The following COL21A1 variants were observed in gnomAD, a reference collection of about 807,000 sequenced individuals.
The protein encoded by COL21A1 is collagen alpha-1(XXI) chain.
A neutral mutation model predicts 137.9 loss-of-function variants in COL21A1; 149 were observed. The ratio of observed to expected loss-of-function variants is 1.08; its 90% CI spans 0.95 to 1.24. The LOEUF is 1.24. Ranked by LOEUF, COL21A1 falls within the 50% of genes most tolerant of loss-of-function variation. The pLI is 0.00. For synonymous variants in COL21A1, 456 were observed against 391.5 expected, an observed-to-expected ratio of 1.16 and a Z score of -1.95; for missense variants, 1,167 against 1,158.4, an observed-to-expected ratio of 1.01 and a Z score of -0.11.
In COL21A1 at chr6:56,070,759, C is replaced by A. The variant is rs765881497; in HGVS notation, c.2005G>T (p.Ala669Ser). The A allele has an allele frequency of 2.5e-6, 4 of 1,588,902 alleles. No individual in the cohort carries two copies. The South Asian group carries it at 3.5e-5, about 14-fold the overall frequency. Residue 669 changes from alanine (A) to serine (S), a missense_variant, in exon 21 of 30, where the codon GCT becomes TCT. Coordinates refer to ENST00000244728, the MANE Select transcript of COL21A1 (RefSeq NM_030820.4). Reference sequence around the variant, plus strand: ...ATCAAAATTACCTTGAGCCCAGAAGCCCCAGGCATCCCTTGAATTCCAGGT... The same window carrying A: ...ATCAAAATTACCTTGAGCCCAGAAGACCCAGGCATCCCTTGAATTCCAGGT... ...GEPGIQGMPGASGLKGEPGAT... is the reference protein window; with the variant it reads ...GEPGIQGMPGSSGLKGEPGAT...
At chr6:56,271,014 T>C (rs1364215896) in intron 1 of COL21A1, among the ~76,000 whole-genome samples, 3 of 152,204 alleles carry the variant, frequency 2.0e-5, no homozygotes, top group African/African-American at 7.2e-5. Flanking sequence ...GGCACTGCTA[T>C]AAAGATAACC....
intron 1 of COL21A1, among the ~76,000 whole-genome samples, chr6:56,268,489 C>T (rs1413320862): frequency 1.6e-4 from 25 of 152,136 alleles, no homozygotes; most frequent in Admixed American, 1.6e-3. Flanking sequence ...TCTCAATGAC[C>T]ACCTAATGAA....
At chr6:56,139,350 G>A (rs1407325465) in intron 12 of COL21A1, among the ~76,000 whole-genome samples, 1 of 152,086 alleles carries the variant, frequency 6.6e-6, no homozygotes, top group African/African-American at 2.4e-5. Flanking sequence ...CTTTCCAGAT[G>A]ATAAAAACCA....
chr6:56,389,964 T>C (rs1052512211), intron 1 of COL21A1, among the ~76,000 whole-genome samples: 5 of 152,152 alleles, frequency 3.3e-5, no homozygotes, highest in African/African-American at 1.2e-4. Context: ...AGGACATTGA[T>C]AAACAACAAT....
At chr6:56,322,543 T>C (rs566633095) in intron 1 of COL21A1, among the ~76,000 whole-genome samples, 7 of 152,264 alleles carry the variant, frequency 4.6e-5, no homozygotes, top group African/African-American at 1.7e-4. Context: ...TTGATTGTAA[T>C]GGCTCCTATT....
At chr6:56,213,364 G>A (rs1780296798) in intron 1 of COL21A1, among the ~76,000 whole-genome samples, 1 of 151,936 alleles carries the variant, frequency 6.6e-6, no homozygotes, top group African/African-American at 2.4e-5. Flanking sequence ...ACTCCTCAGA[G>A]CCAATAATAC....
intron 1 of COL21A1, among the ~76,000 whole-genome samples, chr6:56,326,784 T>C (rs12529753): frequency 0.13 from 19,178 of 152,038 alleles, 2,646 homozygotes; most frequent in East Asian, 0.55. Flanking sequence ...GCTCATCTGT[T>C]CAGTTAAAAA....
At chr6:56,293,080 A>T (rs560823761) in intron 1 of COL21A1, among the ~76,000 whole-genome samples, 1 of 152,348 alleles carries the variant, frequency 6.6e-6, no homozygotes, top group African/African-American at 2.4e-5. Flanking sequence ...GCATAATTTT[A>T]AAATACACTA....
chr6:56,070,573 AC>A (rs1766653857), intron 21 of COL21A1, among the ~76,000 whole-genome samples, 171 bp downstream of exon 21: 1 of 151,618 alleles, frequency 6.6e-6, no homozygotes. Flanking sequence ...TATCTAAAAA[AC>A]AGAAATGAAA....
At chr6:56,238,384 C>A (rs984493107) in intron 1 of COL21A1, among the ~76,000 whole-genome samples, 3 of 148,948 alleles carry the variant, frequency 2.0e-5, no homozygotes, top group African/African-American at 7.5e-5. Flanking sequence ...AGCATGAAGG[C>A]ACCTGCTGAG....
intron 1 of COL21A1, among the ~76,000 whole-genome samples, chr6:56,359,192 A>G (rs1205120345): frequency 6.6e-6 from 1 of 152,212 alleles, no homozygotes; most frequent in Non-Finnish European, 1.5e-5. Flanking sequence ...TCTGAAAACA[A>G]TTTCAAATAT....
chr6:56,182,359 G>C (rs1335667424), intron 2 of COL21A1, among the ~76,000 whole-genome samples, 172 bp downstream of exon 2: 1 of 152,114 alleles, frequency 6.6e-6, no homozygotes, highest in African/African-American at 2.4e-5. Context: ...TTATCTCTGA[G>C]GGAAGCTTTT....
At position 56,175,211 on chromosome 6, in the gene COL21A1, G is replaced by A. The variant is rs990526362; in HGVS notation, c.641-4083C>T. ...CACACTCAATGATAAAATGTTAAAA[G>A]CTTTTCCTCTAAGATGAGGAACAAG... On this transcript the variant is annotated intron_variant, in intron 3 of 29. Transcript: ENST00000244728. Among the ~76,000 whole-genome samples, 9 of 152,168 alleles carry A rather than the reference G, an allele frequency of 5.9e-5. No individual in the cohort carries two copies. In the East Asian group the frequency reaches 1.2e-3, roughly 20 times the overall value.
At chr6:56,387,866 C>A (rs998659248) in intron 1 of COL21A1, among the ~76,000 whole-genome samples, 1 of 152,170 alleles carries the variant, frequency 6.6e-6, no homozygotes, top group Non-Finnish European at 1.5e-5. Context: ...AGTCCTTGGG[C>A]AAGCCTTAGT....
chr6:56,279,721 T>C (rs1210428805), intron 1 of COL21A1, among the ~76,000 whole-genome samples: 1 of 152,224 alleles, frequency 6.6e-6, no homozygotes, highest in African/African-American at 2.4e-5. Context: ...ATTAACAACA[T>C]TGTCTGTCAG....
chr6:56,261,491 G>T (rs2152330827), intron 1 of COL21A1, among the ~76,000 whole-genome samples: 2 of 152,242 alleles, frequency 1.3e-5, no homozygotes, highest in Middle Eastern at 3.4e-3. Flanking sequence ...ACCTAAAAGA[G>T]ACCCAAGAGA....
rs183229655 is a variant in COL21A1 at position 56,132,471 on chromosome 6, C to A, written c.1543-6322G>T. On this transcript the variant is annotated intron_variant, in intron 12 of 29. Transcript: ENST00000244728. ...AATATTAAGTCAGATCATGAAGTGA[C>A]AATAATTAAAACAATTCTGCAATGG... Among the ~76,000 whole-genome samples the A allele has an allele frequency of 1.6e-3, 236 of 151,946 alleles. 1 individual carries two copies. Among genetic ancestry groups the A allele is most frequent in the Middle Eastern group, 6.8e-3 (2 of 294 alleles).
chr6:56,064,001 T>G (rs1766025603), intron 24 of COL21A1, among the ~76,000 whole-genome samples: 1 of 152,080 alleles, frequency 6.6e-6, no homozygotes, highest in Admixed American at 6.6e-5. Context: ...CTGACTGAAC[T>G]TACAGTCACA....
chr6:56,376,668 T>C (rs987050201), intron 1 of COL21A1, among the ~76,000 whole-genome samples: 1 of 152,134 alleles, frequency 6.6e-6, no homozygotes, highest in Non-Finnish European at 1.5e-5. Context: ...AGACATTTTA[T>C]ACTTTATGGC....
Sources: gnomAD v4.1 joint callset for allele counts (sites outside exome capture counted in the v4.1 genomes callset) on GRCh38, gnomAD v4.1.1 for gene constraint, MANE v1.5 for transcripts, NCBI Gene and HGNC (gene_info 2026-07-23, HGNC 2026-07-21) for gene names.